NFATC2: variants seen among roughly 807,000 people sequenced by gnomAD.
NFATC2 encodes nuclear factor of activated T-cells, cytoplasmic 2.
Under a neutral mutation model 87.3 loss-of-function variants are expected in NFATC2, and 22 were observed. That is an observed-to-expected ratio of 0.25 (90% confidence interval 0.18 to 0.36). The LOEUF is 0.36. NFATC2 is among the 10% of genes least tolerant of loss of function. The pLI is 1.00. For missense variants in NFATC2, 1,149 were observed against 1,259.1 expected (o/e 0.91, Z 1.32); for synonymous variants, 565 against 542.2 (o/e 1.04, Z -0.58).
intron 6 of NFATC2, among the ~76,000 whole-genome samples, chr20:51,438,618 G>A (rs550515803): frequency 7.2e-5 from 11 of 152,104 alleles, no homozygotes; most frequent in South Asian, 2.1e-4. Flanking sequence ...ACAAAATGGC[G>A]GTCCAACAAA....
At chr20:51,455,909 T>G (rs1332990636) in intron 5 of NFATC2, among the ~76,000 whole-genome samples, 21 of 9,678 alleles carry the variant, frequency 2.2e-3, no homozygotes, top group Non-Finnish European at 4.1e-3. Flanking sequence ...GGTGGGTGGG[T>G]GGGTGGGTGG....
At chr20:51,495,260 T>G (rs566326558) in intron 3 of NFATC2, among the ~76,000 whole-genome samples, 32 of 152,206 alleles carry the variant, frequency 2.1e-4, no homozygotes, top group African/African-American at 7.0e-4. Flanking sequence ...AATTTTTGGG[T>G]TTTATTTTGT....
At chr20:51,491,782 G>T (rs4809847) in intron 3 of NFATC2, among the ~76,000 whole-genome samples, 14,340 of 151,632 alleles carry the variant, frequency 0.095, 888 homozygotes, top group South Asian at 0.16. Flanking sequence ...TAACTACTCA[G>T]ATTGCAGTCT....
chr20:51,463,359 T>C (rs1001604208), intron 5 of NFATC2, among the ~76,000 whole-genome samples: 1 of 152,208 alleles, frequency 6.6e-6, no homozygotes, highest in Non-Finnish European at 1.5e-5. Flanking sequence ...GACAAAGTTG[T>C]AGCTGTGGGC....
intron 3 of NFATC2, among the ~76,000 whole-genome samples, chr20:51,512,283 T>TCAGC (rs2076283895): frequency 6.6e-6 from 1 of 152,264 alleles, no homozygotes; most frequent in Non-Finnish European, 1.5e-5. Context: ...AAGCTTCTAA[T>TCAGC]CAGCCATCAC....
intron 3 of NFATC2, among the ~76,000 whole-genome samples, chr20:51,479,598 T>C (rs1989054852): frequency 6.6e-6 from 1 of 152,198 alleles, no homozygotes; most frequent in South Asian, 2.1e-4. Flanking sequence ...CCAGCCTGGG[T>C]AGCAGAGCAT....
At chr20:51,557,132 C>A (rs2076985181) in intron 1 of NFATC2, among the ~76,000 whole-genome samples, 2 of 152,164 alleles carry the variant, frequency 1.3e-5, no homozygotes, top group South Asian at 2.1e-4. Context: ...CTTGACCACT[C>A]CCCGTGTTCT....
rs565658775 is a variant in NFATC2, at chr20:51,498,632, C to A, written c.1332+18152G>T. Among the ~76,000 whole-genome samples the A allele has an allele frequency of 4.6e-4, 70 of 152,214 alleles. No homozygotes were observed. In the Middle Eastern group the frequency reaches 0.01, roughly 22 times the overall value. On this transcript the variant is annotated intron_variant, in intron 3 of 10. Transcript: ENST00000371564. The stretch of plus-strand genomic sequence containing the variant: ...CGAAACCCCATCCTTACTAAAAATA[C>A]AAAAATTAGCCAGGCATGGTGGCAT...
intron 3 of NFATC2, among the ~76,000 whole-genome samples, chr20:51,493,954 G>A (rs1175411487): frequency 1.3e-5 from 2 of 152,198 alleles, no homozygotes; most frequent in Non-Finnish European, 2.9e-5. Flanking sequence ...CCTCTGCAAA[G>A]GGGAAAATAA....
rs186341037 is a variant in NFATC2, at chr20:51,429,571, C to T, written c.2722+2496G>A. Among the ~76,000 whole-genome samples the T allele has an allele frequency of 1.2e-3, 178 of 152,326 alleles. 1 individual carries two copies. In the Middle Eastern group the frequency reaches 0.014, roughly 12 times the overall value. ...TAGGCCAGCTGTGTAGCACGACTCC[C>T]GGGCCTCCATTCTTGCAGAACACAG... is the stretch of plus-strand genomic sequence containing the variant. On this transcript the variant is annotated intron_variant, in intron 9 of 10. Transcript: ENST00000371564.
At chr20:51,473,788 G>A (rs143611580) in intron 5 of NFATC2, among the ~76,000 whole-genome samples, 192 bp downstream of exon 5, 11 of 152,312 alleles carry the variant, frequency 7.2e-5, no homozygotes, top group African/African-American at 2.6e-4. Context: ...GAAGTCAATA[G>A]AAGCAGCAAG....
At position 51,562,513 on chromosome 20, in the gene NFATC2, C is replaced by A. The variant is rs1484337847; in HGVS notation, c.70+47G>T. On this transcript the variant is annotated intron_variant, in intron 1 of 10. Coordinates refer to the NFATC2 transcript ENST00000414705. This position sits in a 1 kb window ranked among gnomAD's most constrained non-coding sequence, Gnocchi z 5.8. ...CGGGACGGGAGCAGCAGGAAAGGGCCGGGAGGAGCGAGCGGAAAAGGCTGG... is the reference window on the plus strand; with the variant it reads ...CGGGACGGGAGCAGCAGGAAAGGGCAGGGAGGAGCGAGCGGAAAAGGCTGG... The A allele has an allele frequency of 6.7e-7, 1 of 1,498,244 alleles. No individual in the cohort carries two copies. The highest frequency in any genetic ancestry group is 9.1e-7 in the Non-Finnish European group (1 of 1,101,370). The allele number at this position is 1,498,244 out of a possible 1,614,324, so 92.8% of individuals were successfully genotyped here. A position where few individuals can be genotyped will look rare whatever the true frequency, so the allele number is the denominator to read the frequency against.
chr20:51,503,322 T>C lies in NFATC2; in HGVS notation c.1332+13462A>G, dbSNP rs545256773. Among the ~76,000 whole-genome samples, 5 of 152,332 alleles carry C rather than the reference T, an allele frequency of 3.3e-5. No individual in the cohort carries two copies. In the South Asian group the frequency reaches 1.0e-3, roughly 32 times the overall value. Reference sequence around the variant, plus strand: ...AAGTGGTGTTTTACACACGTTCTCATTGACTCCTGTAAAAATCCTAAAAGA... The same window carrying C: ...AAGTGGTGTTTTACACACGTTCTCACTGACTCCTGTAAAAATCCTAAAAGA... On this transcript the variant is annotated intron_variant, in intron 3 of 10. Coordinates refer to ENST00000371564, the MANE Select transcript of NFATC2 (RefSeq NM_012340.5).
intron 2 of NFATC2, among the ~76,000 whole-genome samples, chr20:51,522,057 T>C (rs114098562): frequency 0.011 from 1,617 of 152,302 alleles, 31 homozygotes; most frequent in African/African-American, 0.037. Context: ...GTAATGTATA[T>C]GGGAGGATGT....
intron 3 of NFATC2, among the ~76,000 whole-genome samples, chr20:51,510,647 G>C (rs1027708053): frequency 2.6e-5 from 4 of 152,094 alleles, no homozygotes; most frequent in African/African-American, 9.7e-5. Flanking sequence ...TTAGAGACAT[G>C]GTCTCACTCT....
intron 5 of NFATC2, among the ~76,000 whole-genome samples, chr20:51,461,400 G>A (rs1032800010): frequency 4.6e-5 from 7 of 152,224 alleles, no homozygotes; most frequent in African/African-American, 1.7e-4. Context: ...AGGCCTGCGG[G>A]TGAAGTCTTG....
chr20:51,395,249 G>A (rs1986887006), intron 10 of NFATC2, among the ~76,000 whole-genome samples: 1 of 152,162 alleles, frequency 6.6e-6, no homozygotes, highest in Non-Finnish European at 1.5e-5. Flanking sequence ...AATAGAGACA[G>A]GCAGACCAAT....
At chr20:51,440,756 A>G (rs1219449978) in intron 6 of NFATC2, among the ~76,000 whole-genome samples, 1 of 152,188 alleles carries the variant, frequency 6.6e-6, no homozygotes, top group Admixed American at 6.5e-5. Context: ...AGGAAGTGAA[A>G]GCCCACATCC....
At chr20:51,547,417 G>A (rs916674198), upstream of NFATC2, among the ~76,000 whole-genome samples, 5 of 152,078 alleles carry the variant, frequency 3.3e-5, no homozygotes, top group South Asian at 2.1e-4. Flanking sequence ...ACTGACTCCC[G>A]AAACGCCTTC....
Sources: gnomAD v4.1 joint callset for allele counts (sites outside exome capture counted in the v4.1 genomes callset) on GRCh38, gnomAD v4.1.1 for gene constraint, Gnocchi (gnomAD v3.1) non-coding constraint, MANE v1.5 for transcripts, NCBI Gene and HGNC (gene_info 2026-07-23, HGNC 2026-07-21) for gene names.